Variants in INPP5E observed in about 807,000 individuals in gnomAD.
INPP5E encodes inositol polyphosphate-5-phosphatase E, also known as phosphatidylinositol polyphosphate 5-phosphatase type IV.
A neutral mutation model predicts 50.5 loss-of-function variants in INPP5E; 34 were observed. The observed-to-expected ratio is 0.67, with a 90% CI of 0.51 to 0.90. INPP5E has a LOEUF of 0.90. Ranked by LOEUF, INPP5E falls within the 40% of genes least tolerant of loss-of-function variation. The pLI, the probability that INPP5E is intolerant of heterozygous loss-of-function variation, is 0.00. For missense variants in INPP5E, 942 were observed against 905.5 expected (o/e 1.04, Z -0.52); for synonymous variants, 447 against 406.0 (o/e 1.10, Z -1.21).
In INPP5E at chr9:136,433,268, TCC is replaced by T. The variant is rs1463230156; in HGVS notation, c.1044_1045del (p.Trp348Ter). 1 of 1,582,620 alleles carries T rather than the reference TCC, an allele frequency of 6.3e-7. No homozygotes were observed. The highest frequency in any genetic ancestry group is 1.1e-5 in the South Asian group (1 of 89,474). ...GCCCAGCGTCTCCTGCAGACGAGTC[TCC>T]CACTCCCGCCTGCAGAGGAGGAAGC... On this transcript the variant is annotated stop_gained and frameshift_variant, in exon 4 of 10. Coordinates refer to ENST00000371712, the MANE Select transcript of INPP5E (RefSeq NM_019892.6). LOFTEE classifies it high-confidence loss of function.
chr9:136,430,902 G>C lies in INPP5E; in HGVS notation c.1665+100C>G, dbSNP rs73566940. On this transcript the variant is annotated intron_variant, in intron 8 of 9. Coordinates refer to ENST00000371712, the MANE Select transcript of INPP5E (RefSeq NM_019892.6). ...GTGCAGAGCTGAGTTTCAAGTCCAG[G>C]CCGTCCAGGCTCAGACCCCTGACGC... is the stretch of plus-strand genomic sequence containing the variant. The C allele has an allele frequency of 0.02, 17,100 of 850,416 alleles. 823 individuals are homozygous for C. Among genetic ancestry groups the C allele is most frequent in the African/African-American group, 0.16 (9,459 of 60,102 alleles). The allele number at this position is 850,416 out of a possible 1,614,324, so 52.7% of individuals were successfully genotyped here.
Position 136,433,202 on chromosome 9 carries a change from A to C in INPP5E, c.1112T>G (p.Leu371Arg). The change falls in exon 4 of 10, where the codon CTC (leucine) becomes CGC (arginine). Residue 371 changes from leucine (L) to arginine (R), a missense_variant. By Grantham distance (102) the Leu-to-Arg change is moderately radical (BLOSUM62 -2). Transcript: ENST00000371712. ...VLLSSAAHGV[L>R]YMSLFIRRDL... ...CCTGCGGATGAAGAGCGACATGTAG[A>C]GCACGCCGTGGGCCGCCGAGGACAG... The C allele has an allele frequency of 6.3e-7, 1 of 1,594,398 alleles. No individual in the cohort carries two copies. The highest frequency in any genetic ancestry group is 8.5e-7 in the Non-Finnish European group (1 of 1,177,762).
rs953455017 is a variant in INPP5E at position 136,429,490 on chromosome 9, G to A, written c.*185C>T. ...GGTCCAAGCCCTGCCCACCCACACC[G>A]TGTGGACCTGCCACAGAGGACAGGC... On this transcript the variant is annotated 3_prime_UTR_variant, in exon 10 of 10. Coordinates refer to ENST00000371712, the MANE Select transcript of INPP5E (RefSeq NM_019892.6). 2.7e-5 allele frequency: 21 copies of A among 787,434 alleles called. No homozygotes were observed. Among genetic ancestry groups the A allele is most frequent in the Admixed American group, 1.3e-4 (7 of 55,488 alleles). The allele number at this position is 787,434 out of a possible 1,614,324, so 48.8% of individuals were successfully genotyped here.
intron 6 of INPP5E, 51 bp from the exon 7 acceptor site, chr9:136,432,036 T>C: frequency 6.2e-7 from 1 of 1,607,380 alleles, no homozygotes. Context: ...CGGCAGGTCC[T>C]TCCCCTTCCC....
rs924899107 is a variant in INPP5E at position 136,431,918 on chromosome 9, C to T, written c.1455G>A (p.Gly485=). The T allele has an allele frequency of 6.2e-7, 1 of 1,611,788 alleles. No individual in the cohort carries two copies. Residue 485 remains glycine, a synonymous_variant, in exon 7 of 10, where the codon GGG becomes GGA. Transcript: ENST00000371712. Reference sequence around the variant, plus strand: ...ACAGGAGGGCGTCCACGACTGTGCGCCCGCCACTCAGGCGGAAGTTGAAGT... The same window carrying T: ...ACAGGAGGGCGTCCACGACTGTGCGTCCGCCACTCAGGCGGAAGTTGAAGT... ...FGDFNFRLSG[G]RTVVDALLCQ...
chr9:136,432,035 CT>C, intron 6 of INPP5E, 50 bp from the exon 7 acceptor site: 1 of 1,608,368 alleles, frequency 6.2e-7, no homozygotes, highest in Non-Finnish European at 8.5e-7. Context: ...ACGGCAGGTC[CT>C]TCCCCTTCCC....
At chr9:136,434,972 C>A in intron 1 of INPP5E, 109 bp from the exon 2 acceptor site, 3 of 1,371,858 alleles carry the variant, frequency 2.2e-6, no homozygotes, top group Non-Finnish European at 3.0e-6. Context: ...CAGGAGCTGC[C>A]CCCAGCCCCA....
At chr9:136,433,393 C>T in intron 3 of INPP5E, 114 bp from the exon 4 acceptor site, 1 of 1,416,778 alleles carries the variant, frequency 7.1e-7, no homozygotes, top group South Asian at 1.4e-5. Context: ...ACGACCTGGC[C>T]TTGGTGTCTT....
intron 1 of INPP5E, chr9:136,437,339 TTTAA>T (rs1159343561): frequency 6.6e-6 from 1 of 152,248 alleles, no homozygotes; most frequent in African/African-American, 2.4e-5. Flanking sequence ...TGCAAACGTG[TTTAA>T]TTAAGGATCT....
chr9:136,432,430 G>C lies in INPP5E; in HGVS notation c.1387+49C>G, dbSNP rs184220742. On this transcript the variant is annotated intron_variant, in intron 6 of 9. Transcript: ENST00000371712. ...ACTGCCCTAAAAACGACGGGCGCCC[G>C]TGTGCGAACCACGGCGGCACCACCC... 8.9e-4 allele frequency: 1,158 copies of C among 1,300,010 alleles called. 18 individuals are homozygous for C. In the South Asian group the frequency reaches 0.014, roughly 15 times the overall value. 80.5% of individuals were successfully genotyped at this position (1,300,010 alleles called of 1,614,324 possible).
rs1835648683 is a variant in INPP5E, at chr9:136,429,483, C to T, written c.*192G>A. 2.6e-6 allele frequency: 2 copies of T among 766,646 alleles called. No individual in the cohort carries two copies. Among genetic ancestry groups the T allele is most frequent in the East Asian group, 4.9e-5 (2 of 40,596 alleles). 47.5% of individuals were successfully genotyped at this position (766,646 alleles called of 1,614,324 possible). ...AGACGGGGGTCCAAGCCCTGCCCAC[C>T]CACACCGTGTGGACCTGCCACAGAG... On this transcript the variant is annotated 3_prime_UTR_variant, in exon 10 of 10. Coordinates refer to ENST00000371712, the MANE Select transcript of INPP5E (RefSeq NM_019892.6).
chr9:136,438,754 G>A lies in INPP5E; in HGVS notation c.666C>T (p.Arg222=). The change falls in exon 1 of 10, where the codon CGC becomes CGT. Residue 222 remains arginine, a synonymous_variant. Transcript: ENST00000371712. ...VDSDLADYKL[R]AQPLLVRAHS... is the part of the protein sequence containing the mutation. ...GGGCCCGCACCAGGAGCGGCTGCGC[G>A]CGGAGCTTGTAGTCTGCAAGATCCG... 1 of 1,611,578 alleles carries A rather than the reference G, an allele frequency of 6.2e-7. No homozygotes were observed. Among genetic ancestry groups the A allele is most frequent in the Middle Eastern group, 1.7e-4 (1 of 6,056 alleles).
intron 3 of INPP5E, 88 bp from the exon 4 acceptor site, chr9:136,433,367 C>A: frequency 6.7e-7 from 1 of 1,483,186 alleles, no homozygotes; most frequent in South Asian, 1.3e-5. Flanking sequence ...CCTCGAGGAG[C>A]TACCAGGGAA....
chr9:136,431,207 G>GCCCCCCCCCCC, intron 7 of INPP5E, 90 bp from the exon 8 acceptor site: 16 of 683,410 alleles, frequency 2.3e-5, no homozygotes, highest in Non-Finnish European at 3.2e-5. Context: ...CTCCCACCAC[G>GCCCCCCCCCCC]CCCACCCTCC....
rs372688482 is a variant in INPP5E, at chr9:136,429,648, C to T, written c.*27G>A. 97 of 1,613,156 alleles carry T rather than the reference C, an allele frequency of 6.0e-5. 1 individual carries two copies. The highest frequency in any genetic ancestry group is 8.0e-5 in the Non-Finnish European group (94 of 1,179,862). On this transcript the variant is annotated 3_prime_UTR_variant, in exon 10 of 10. Transcript: ENST00000371712. ...TGATCAATACAATCACCCCACGTTG[C>T]AGCTGTGAGTCCTCGTTCAGCAAAC... is the stretch of plus-strand genomic sequence containing the variant.
chr9:136,432,110 G>A, intron 6 of INPP5E, 125 bp from the exon 7 acceptor site: 1 of 1,184,010 alleles, frequency 8.4e-7, no homozygotes, highest in East Asian at 2.5e-5. Context: ...GGTGGGGCCG[G>A]GCCCTCAGGG....
chr9:136,430,836 G>A (rs1228532010), intron 8 of INPP5E, among the ~76,000 whole-genome samples, 166 bp downstream of exon 8: 1 of 152,054 alleles, frequency 6.6e-6, no homozygotes, highest in Admixed American at 6.5e-5. Context: ...CCATGGAGAG[G>A]GCGCCGTTCT....
intron 2 of INPP5E, among the ~76,000 whole-genome samples, chr9:136,434,450 G>C (rs1034201614): frequency 6.6e-6 from 1 of 151,746 alleles, no homozygotes; most frequent in African/African-American, 2.4e-5. Context: ...GTGCCCCGCT[G>C]GCCGCCCTCC....
rs768542252 is a variant in INPP5E, at chr9:136,438,810, C to A, written c.610G>T (p.Asp204Tyr). 3 of 1,612,008 alleles carry A rather than the reference C, an allele frequency of 1.9e-6. No individual in the cohort carries two copies. Among genetic ancestry groups the A allele is most frequent in the Admixed American group, 1.7e-5 (1 of 59,946 alleles). ...PPALSLDIAS[D>Y]SLRTANKVDS... ...ACCTTGTTTGCTGTCCTCAGGGAGT[C>A]GGAGGCGATGTCCAGGCTCAGGGCA... Residue 204 changes from aspartate to tyrosine, a missense_variant, in exon 1 of 10, where the codon GAC becomes TAC. Asp to Tyr is a radical substitution (Grantham distance 160). Transcript: ENST00000371712.
Sources: allele counts gnomAD v4.1 joint callset (sites outside exome capture counted in the v4.1 genomes callset), GRCh38; gene constraint gnomAD v4.1.1; transcripts MANE v1.5; gene names NCBI Gene and HGNC (gene_info 2026-07-23, HGNC 2026-07-21).